The following ASCC2 variants were observed in gnomAD, a reference collection of about 807,000 sequenced individuals.
ASCC2 encodes the protein activating signal cointegrator 1 complex subunit 2.
A neutral mutation model predicts 93.5 loss-of-function variants in ASCC2; 42 were observed. The observed-to-expected ratio is 0.45, with a 90% confidence interval of 0.35 to 0.58. ASCC2 has a LOEUF of 0.58. Ranked by LOEUF, ASCC2 falls within the 20% of genes least tolerant of loss-of-function variation. ASCC2 has a pLI of 0.00. For missense variants in ASCC2, 859 were observed against 977.6 expected, an observed-to-expected ratio of 0.88 and a Z score of 1.62; for synonymous variants, 364 against 384.2, an observed-to-expected ratio of 0.95 and a Z score of 0.62.
At chr22:29,822,115 G>A (rs1427902273) in intron 5 of ASCC2, 1 of 585,984 alleles carries the variant, frequency 1.7e-6, no homozygotes. Context: ...AGATCCCTGG[G>A]GAACTGTCTG....
chr22:29,833,665 T>C, intron 1 of ASCC2: 1 of 468,614 alleles, frequency 2.1e-6, no homozygotes, highest in Non-Finnish European at 4.4e-6. Flanking sequence ...AATAGAAGTG[T>C]ATTAGGCCCC....
intron 18 of ASCC2, among the ~76,000 whole-genome samples, chr22:29,791,721 C>A (rs1171521298): frequency 1.3e-5 from 2 of 152,272 alleles, no homozygotes; most frequent in Admixed American, 1.3e-4. Context: ...CACACACACA[C>A]AAAACTGGTA....
rs5752967 is a variant in ASCC2 at position 29,826,877 on chromosome 22, C to T, written c.82-1097G>A. ...CTTTGGGAGGCTGAGGCAGGCAGAT[C>T]ACGAGGTCAGGAGATCGAGACCATC... On this transcript the variant is annotated intron_variant, in intron 2 of 19. Transcript: ENST00000307790. 1.5e-3 allele frequency among the ~76,000 whole-genome samples: 234 copies of T among 151,958 alleles called. 3 individuals carry two copies. In the East Asian group the frequency reaches 0.026, roughly 17 times the overall value.
rs1240172762 is a variant in ASCC2, at chr22:29,825,277, A to G, written c.241-20T>C. 1.3e-6 allele frequency: 2 copies of G among 1,507,786 alleles called. No individual in the cohort carries two copies. Among genetic ancestry groups the G allele is most frequent in the African/African-American group, 2.8e-5 (2 of 71,208 alleles). 93.4% of individuals were successfully genotyped at this position (1,507,786 alleles called of 1,614,324 possible). Reference sequence around the variant, plus strand: ...GATCACCTAAACCAGGAGACAGAGGAGAGCGAGGATTTATCCCTTAGGCCC... The same window carrying G: ...GATCACCTAAACCAGGAGACAGAGGGGAGCGAGGATTTATCCCTTAGGCCC... On this transcript the variant is annotated intron_variant, in intron 3 of 19. Coordinates refer to ENST00000307790, the MANE Select transcript of ASCC2 (RefSeq NM_032204.5). This position sits in a 1 kb window ranked among gnomAD's most constrained non-coding sequence, Gnocchi z 4.9.
chr22:29,827,524 A>G (rs764813780), intron 2 of ASCC2: 1 of 468,074 alleles, frequency 2.1e-6, no homozygotes, highest in South Asian at 1.6e-5. Context: ...GGATTCTTCA[A>G]GGCCACCTCT....
intron 5 of ASCC2, among the ~76,000 whole-genome samples, chr22:29,820,074 A>C (rs981152390): frequency 6.6e-6 from 1 of 152,172 alleles, no homozygotes; most frequent in African/African-American, 2.4e-5. Context: ...AGGCTGGAAA[A>C]AAAAAAGATT....
chr22:29,810,878 G>A (rs191052570), intron 8 of ASCC2, among the ~76,000 whole-genome samples: 415 of 152,128 alleles, frequency 2.7e-3, no homozygotes, highest in African/African-American at 9.3e-3. Context: ...TTACAGGTGC[G>A]TGCCACCACA....
In ASCC2 at chr22:29,813,553, AAGAATACACTGC is replaced by A. The variant is rs1320965040; in HGVS notation, c.721-23_721-12del. ...AATGTCCTTTAATTCCTGTTGCCAA[AAGAATACACTGC>A]ATTATTCTCCTCTGTCCACACATAC... On this transcript the variant is annotated splice_polypyrimidine_tract_variant and intron_variant, in intron 7 of 19. Transcript: ENST00000307790. The A allele has an allele frequency of 6.5e-7, 1 of 1,534,162 alleles. No individual in the cohort carries two copies. The highest frequency in any genetic ancestry group is 9.0e-7 in the Non-Finnish European group (1 of 1,107,488).
intron 15 of ASCC2, 141 bp from the exon 16 acceptor site, chr22:29,793,817 G>T: frequency 1.3e-6 from 1 of 799,348 alleles, no homozygotes; most frequent in Non-Finnish European, 2.0e-6. Context: ...GCATTGGTGA[G>T]GGCGTGGGAG....
At chr22:29,796,199 G>C (rs928683181) in intron 15 of ASCC2, among the ~76,000 whole-genome samples, 3 of 151,944 alleles carry the variant, frequency 2.0e-5, no homozygotes, top group Non-Finnish European at 4.4e-5. Context: ...ACCTCCACCA[G>C]CCGGGTTCAA....
intron 4 of ASCC2, among the ~76,000 whole-genome samples, chr22:29,824,369 C>T (rs1569419602): frequency 1.3e-5 from 2 of 151,830 alleles, no homozygotes; most frequent in African/African-American, 4.8e-5. Flanking sequence ...AATTCCAGCA[C>T]TTTGGGAGCC....
In ASCC2 at chr22:29,816,147, T is replaced by C; in HGVS notation, c.542-74A>G. 9 of 1,251,132 alleles carry C rather than the reference T, an allele frequency of 7.2e-6. No individual in the cohort carries two copies. The South Asian group carries it at 1.0e-4, about 14-fold the overall frequency. 77.5% of individuals were successfully genotyped at this position (1,251,132 alleles called of 1,614,324 possible). ...GGCAGTGAAGAGGACACATTACAAA[T>C]GGTTGCCAGCAGGTCTGTGACCTTT... On this transcript the variant is annotated intron_variant, in intron 5 of 19. Coordinates refer to ENST00000307790, the MANE Select transcript of ASCC2 (RefSeq NM_032204.5).
intron 4 of ASCC2, 138 bp downstream of exon 4, chr22:29,824,949 C>A: frequency 1.1e-6 from 1 of 882,182 alleles, no homozygotes; most frequent in Non-Finnish European, 1.6e-6. Context: ...AGATTTCTTC[C>A]CCAACAGTGG....
chr22:29,810,749 T>C (rs943315060), intron 8 of ASCC2, among the ~76,000 whole-genome samples: 3 of 152,154 alleles, frequency 2.0e-5, no homozygotes, highest in South Asian at 4.1e-4. Context: ...TTTTTTTTTT[T>C]TGAGACAGTC....
At chr22:29,810,484 T>C (rs1481753002) in intron 8 of ASCC2, among the ~76,000 whole-genome samples, 3 of 152,198 alleles carry the variant, frequency 2.0e-5, no homozygotes, top group Non-Finnish European at 4.4e-5. Context: ...AGGCAGGCCC[T>C]ACTAGGCCCA....
Position 29,789,337 on chromosome 22 carries a change from C to A in ASCC2, c.2103-153G>T, listed in dbSNP as rs182901427. Among the ~76,000 whole-genome samples the A allele has an allele frequency of 1.8e-4, 27 of 152,272 alleles. No individual in the cohort carries two copies. The East Asian group carries it at 5.2e-3, about 29-fold the overall frequency. ...CTTCAGATGGAAGGAGAGATGGAGC[C>A]CAGCAGGGGCAGGGCCCTGGGGCTC... On this transcript the variant is annotated intron_variant, in intron 19 of 19. Transcript: ENST00000307790.
intron 9 of ASCC2, 124 bp downstream of exon 9, chr22:29,807,987 G>T: frequency 1.1e-6 from 1 of 899,478 alleles, no homozygotes; most frequent in Non-Finnish European, 1.7e-6. Context: ...GAAGCTCAAA[G>T]CTGCACAGTC....
At chr22:29,821,696 T>G (rs1408843320) in intron 5 of ASCC2, among the ~76,000 whole-genome samples, 4 of 152,182 alleles carry the variant, frequency 2.6e-5, no homozygotes, top group Non-Finnish European at 5.9e-5. Flanking sequence ...GCCAATTGCA[T>G]AATACTAATA....
At chr22:29,824,996 T>G (rs1414679781) in intron 4 of ASCC2, 91 bp downstream of exon 4, 2 of 1,186,618 alleles carry the variant, frequency 1.7e-6, no homozygotes. Flanking sequence ...GGAAACTCAA[T>G]GCTTCCAGAG....
Sources: allele counts gnomAD v4.1 joint callset (sites outside exome capture counted in the v4.1 genomes callset), GRCh38; gene constraint gnomAD v4.1.1; non-coding constraint Gnocchi (gnomAD v3.1); transcripts MANE v1.5; gene names NCBI Gene and HGNC (gene_info 2026-07-23, HGNC 2026-07-21).